HDAC4: variants seen among roughly 807,000 people sequenced by gnomAD.
HDAC4 encodes the protein histone deacetylase A.
In HDAC4, 16 loss-of-function variants were observed where a neutral mutation model predicts 135.1. The ratio of observed to expected loss-of-function variants is 0.12; its 90% CI spans 0.08 to 0.18. The LOEUF is 0.18. HDAC4 is among the 10% of genes least tolerant of loss of function. The pLI is 1.00. For missense variants in HDAC4, 1,143 were observed against 1,511.8 expected, an observed-to-expected ratio of 0.76 and a Z score of 4.05; for synonymous variants, 685 against 653.4, an observed-to-expected ratio of 1.05 and a Z score of -0.74.
intron 24 of HDAC4, among the ~76,000 whole-genome samples, chr2:239,065,078 G>A (rs184130668): frequency 8.5e-5 from 13 of 152,330 alleles, no homozygotes; most frequent in Admixed American, 3.3e-4. Context: ...TTAGTTGCAC[G>A]GCACCCGGAC....
intron 2 of HDAC4, among the ~76,000 whole-genome samples, chr2:239,305,045 C>T (rs981080920): frequency 9.2e-5 from 14 of 152,190 alleles, no homozygotes; most frequent in Non-Finnish European, 7.3e-5. Flanking sequence ...AGGGCCTGTA[C>T]TGCAGGCTCT....
intron 2 of HDAC4, among the ~76,000 whole-genome samples, chr2:239,335,525 A>C (rs1170941630): frequency 1.3e-5 from 2 of 151,038 alleles, no homozygotes; most frequent in Non-Finnish European, 3.0e-5. Flanking sequence ...AAAAAAAAAA[A>C]AAAAACACCA....
chr2:239,176,118 C>A (rs2043745398), intron 5 of HDAC4, among the ~76,000 whole-genome samples: 1 of 152,150 alleles, frequency 6.6e-6, no homozygotes, highest in African/African-American at 2.4e-5. Flanking sequence ...GCCCCAGTGC[C>A]CTCCTGCACT....
At chr2:239,074,823 C>T (rs534713027) in intron 22 of HDAC4, among the ~76,000 whole-genome samples, 15 of 152,346 alleles carry the variant, frequency 9.8e-5, no homozygotes, top group African/African-American at 2.6e-4. Context: ...TTACCCTCCA[C>T]GACTTTCCTA....
Position 239,280,667 on chromosome 2 carries a change from C to T in HDAC4, c.23-44003G>A, listed in dbSNP as rs538888279. The stretch of plus-strand genomic sequence containing the variant: ...CACCAGGCACAACAAAGATGCGACG[C>T]AACATCCTGGAACTGTCTGCTGTTA... On this transcript the variant is annotated intron_variant, in intron 2 of 26. Coordinates refer to ENST00000543185, the MANE Select transcript of HDAC4 (RefSeq NM_001378414.1). Among the ~76,000 whole-genome samples the T allele has an allele frequency of 5.9e-5, 9 of 152,270 alleles. 1 individual carries two copies. In the South Asian group the frequency reaches 1.9e-3, roughly 32 times the overall value.
At chr2:239,113,005 A>G (rs1002120047) in intron 13 of HDAC4, among the ~76,000 whole-genome samples, 5 of 152,062 alleles carry the variant, frequency 3.3e-5, no homozygotes, top group Non-Finnish European at 1.5e-5. Flanking sequence ...CGGGTGGATC[A>G]CCTGAGGTAA....
intron 18 of HDAC4, among the ~76,000 whole-genome samples, chr2:239,088,364 G>A (rs1395420537): frequency 3.3e-5 from 5 of 152,236 alleles, no homozygotes; most frequent in African/African-American, 9.6e-5. Flanking sequence ...TGAGCCGGAC[G>A]CCGCAGGGAC....
At chr2:239,217,206 G>GA (rs2046690613) in intron 3 of HDAC4, among the ~76,000 whole-genome samples, 1 of 152,184 alleles carries the variant, frequency 6.6e-6, no homozygotes, top group Admixed American at 6.5e-5. Flanking sequence ...GGGTCTCCAG[G>GA]AGCCGGCAGC....
intron 5 of HDAC4, among the ~76,000 whole-genome samples, chr2:239,166,208 C>T (rs2043113538): frequency 6.6e-6 from 1 of 152,122 alleles, no homozygotes; most frequent in Admixed American, 6.5e-5. Flanking sequence ...AAGGGTCAGT[C>T]AGCAATGAGA....
intron 2 of HDAC4, among the ~76,000 whole-genome samples, chr2:239,243,140 G>C (rs772477815): frequency 5.3e-4 from 81 of 151,410 alleles, no homozygotes; most frequent in Non-Finnish European, 1.0e-3. Flanking sequence ...ATGAGAATTG[G>C]ATAAATTAAC....
At chr2:239,228,618 T>C (rs1170774891) in intron 3 of HDAC4, among the ~76,000 whole-genome samples, 1 of 151,838 alleles carries the variant, frequency 6.6e-6, no homozygotes, top group Non-Finnish European at 1.5e-5. Context: ...AACAGAACGA[T>C]CTGAAGGTTT....
intron 2 of HDAC4, among the ~76,000 whole-genome samples, chr2:239,310,631 C>A (rs780539982): frequency 5.3e-5 from 8 of 152,224 alleles, no homozygotes; most frequent in Non-Finnish European, 7.3e-5. Flanking sequence ...GGAGCTCCCC[C>A]CTCTGCCCCC....
intron 16 of HDAC4, among the ~76,000 whole-genome samples, chr2:239,096,114 G>A (rs967830101): frequency 3.9e-5 from 6 of 152,136 alleles, no homozygotes; most frequent in Non-Finnish European, 8.8e-5. Context: ...GGCTGCCGGG[G>A]GCCATAGGAA....
chr2:239,125,703 G>A (rs2040137200), intron 12 of HDAC4, among the ~76,000 whole-genome samples: 1 of 152,222 alleles, frequency 6.6e-6, no homozygotes, highest in African/African-American at 2.4e-5. Context: ...TCAAATGCCA[G>A]CATTTGATCA....
At chr2:239,078,704 T>C (rs2035010548) in intron 22 of HDAC4, among the ~76,000 whole-genome samples, 1 of 152,106 alleles carries the variant, frequency 6.6e-6, no homozygotes, top group African/African-American at 2.4e-5. Context: ...GGCCGGGGCC[T>C]GGGGAGGGGG....
intron 2 of HDAC4, among the ~76,000 whole-genome samples, chr2:239,241,050 AG>A (rs1215520868): frequency 6.6e-6 from 1 of 152,314 alleles, no homozygotes; most frequent in East Asian, 1.9e-4. Flanking sequence ...GCAGTTTCCT[AG>A]GATCACGGAG....
chr2:239,170,868 AAAGGACCCC>A (rs1559549837), intron 5 of HDAC4, among the ~76,000 whole-genome samples: 3 of 152,204 alleles, frequency 2.0e-5, no homozygotes, highest in Non-Finnish European at 2.9e-5. Context: ...GAGGAAAATT[AAAGGACCCC>A]AATAAACCTC....
chr2:239,131,446 A>G (rs2040577075), intron 11 of HDAC4, among the ~76,000 whole-genome samples: 1 of 152,236 alleles, frequency 6.6e-6, no homozygotes, highest in Non-Finnish European at 1.5e-5. Flanking sequence ...AACTGCAGGA[A>G]AGGGCAGAAC....
Position 239,307,080 on chromosome 2 carries a change from G to A in HDAC4, c.22+45598C>T, listed in dbSNP as rs1219292693. ...AGCACTCTGGTGAGCCCAGAGGCCC[G>A]AGTCGTCCGGATGGCCCATCTCAGG... On this transcript the variant is annotated intron_variant, in intron 2 of 26. Transcript: ENST00000543185. This position sits in a 1 kb window ranked among gnomAD's most constrained non-coding sequence, Gnocchi z 4.8. 6.6e-6 allele frequency among the ~76,000 whole-genome samples: 1 copy of A among 152,078 alleles called. No homozygotes were observed. The highest frequency in any genetic ancestry group is 6.5e-5 in the Admixed American group (1 of 15,276).
Sources: gnomAD v4.1 joint callset for allele counts (sites outside exome capture counted in the v4.1 genomes callset) on GRCh38, gnomAD v4.1.1 for gene constraint, Gnocchi (gnomAD v3.1) non-coding constraint, MANE v1.5 for transcripts, NCBI Gene and HGNC (gene_info 2026-07-23, HGNC 2026-07-21) for gene names.